MAVS: variants seen among roughly 807,000 people sequenced by gnomAD.
MAVS encodes the protein mitochondrial antiviral signaling protein.
In MAVS, 20 loss-of-function variants were observed where a neutral mutation model predicts 30.2. That is an observed-to-expected ratio of 0.66 (90% confidence interval 0.47 to 0.96). The LOEUF (loss-of-function observed/expected upper bound fraction) is 0.96. Among genes scored for constraint, MAVS ranks in the 40% least tolerant of loss-of-function variants. The probability of loss-of-function intolerance (pLI) is 0.00; values close to 1 mark genes in which losing one functional copy is unlikely to be tolerated. For synonymous variants in MAVS, 278 were observed against 293.9 expected (o/e 0.95, Z 0.55); for missense variants, 624 against 701.1 (o/e 0.89, Z 1.24).
At position 3,864,322 on chromosome 20, in the gene MAVS, C is replaced by A; in HGVS notation, c.692C>A (p.Ala231Asp). 6.2e-7 allele frequency: 1 copy of A among 1,613,990 alleles called. No homozygotes were observed. The highest frequency in any genetic ancestry group is 8.5e-7 in the Non-Finnish European group (1 of 1,179,988). ...VSPSVSFQPL[A>D]RSTPRASRLP... ...CCATCTGTCTCCTTCCAGCCCCTGG[C>A]CCGTTCCACCCCCAGGGCAAGCCGC... Residue 231 changes from alanine (A) to aspartate (D), a missense_variant, in exon 6 of 7, where the codon GCC becomes GAC. Coordinates refer to ENST00000428216, the MANE Select transcript of MAVS (RefSeq NM_020746.5).
Position 3,865,640 on chromosome 20 carries a change from C to T in MAVS, c.1159-43C>T. 3 of 1,528,016 alleles carry T rather than the reference C, an allele frequency of 2.0e-6. No individual in the cohort carries two copies. The highest frequency in any genetic ancestry group is 2.7e-5 in the African/African-American group (2 of 72,916). 94.7% of individuals were successfully genotyped at this position (1,528,016 alleles called of 1,614,324 possible). A position where few individuals can be genotyped will look rare whatever the true frequency, so the allele number is the denominator to read the frequency against. On this transcript the variant is annotated intron_variant, in intron 6 of 6. Transcript: ENST00000428216. This position sits in a 1 kb window ranked among gnomAD's most constrained non-coding sequence, Gnocchi z 4.7. ...GGACCGCCCTACCAGGTTCGTCTCC[C>T]TGCCAACCCCAGTCCCTTCCAGTGC...
chr20:3,858,069 A>G, intron 3 of MAVS: 1 of 524,318 alleles, frequency 1.9e-6, no homozygotes, highest in South Asian at 2.0e-5. Context: ...GGGGAGCTGC[A>G]GTGGGTGATA....
At position 3,871,543 on chromosome 20, in the gene MAVS, A is replaced by ACAGAGCCCTTC. The variant is rs1888145984; in HGVS notation, c.*5400_*5410dup. 6.6e-6 allele frequency: 1 copy of ACAGAGCCCTTC among 152,480 alleles called. No individual in the cohort carries two copies. Among genetic ancestry groups the ACAGAGCCCTTC allele is most frequent in the Admixed American group, 6.5e-5 (1 of 15,278 alleles). 9.4% of individuals were successfully genotyped at this position (152,480 alleles called of 1,614,324 possible). On this transcript the variant is annotated 3_prime_UTR_variant, in exon 7 of 7. Transcript: ENST00000428216. ...AGGCAGGGGCTTCCACTAGGCCCTG[A>ACAGAGCCCTTC]CAGAGCCCTTCCAGCAGGCAGAAAT...
chr20:3,847,065 G>T (rs751829238), intron 1 of MAVS, among the ~76,000 whole-genome samples, 162 bp downstream of exon 1: 1 of 152,226 alleles, frequency 6.6e-6, no homozygotes, highest in African/African-American at 2.4e-5. Context: ...CCGGAAGAGC[G>T]GGCCCTGTCG....
At chr20:3,856,081 G>T (rs1326477994) in intron 2 of MAVS, among the ~76,000 whole-genome samples, 1 of 149,756 alleles carries the variant, frequency 6.7e-6, no homozygotes, top group African/African-American at 2.5e-5. Flanking sequence ...TTGAGACGGA[G>T]TCTCACTCTG....
intron 1 of MAVS, 111 bp from the exon 2 acceptor site, chr20:3,854,447 T>G: frequency 3.4e-6 from 1 of 297,718 alleles, no homozygotes; most frequent in Non-Finnish European, 5.6e-6. Flanking sequence ...AAGAAGAAAT[T>G]AAAGATGAAA....
rs557120262 is a variant in MAVS, at chr20:3,865,011, C to T, written c.1158+223C>T. ...GTCATTGAGCTTCTAAGTCTGGACA[C>T]CTCAGGAGGGTCAGCCACAGGGGGC... is the stretch of plus-strand genomic sequence containing the variant. On this transcript the variant is annotated intron_variant, in intron 6 of 6. Coordinates refer to ENST00000428216, the MANE Select transcript of MAVS (RefSeq NM_020746.5). The surrounding 1 kb of genome is among the most constrained non-coding windows in gnomAD (Gnocchi z 4.7). Among the ~76,000 whole-genome samples, 3 of 152,234 alleles carry T rather than the reference C, an allele frequency of 2.0e-5. No homozygotes were observed. The highest frequency in any genetic ancestry group is 4.4e-5 in the Non-Finnish European group (3 of 68,044).
chr20:3,859,298 G>C (rs2146768136), intron 3 of MAVS, among the ~76,000 whole-genome samples: 1 of 152,128 alleles, frequency 6.6e-6, no homozygotes, highest in East Asian at 1.9e-4. Flanking sequence ...ACAAGGTCAG[G>C]AGTTCGAGAC....
Position 3,875,851 on chromosome 20 carries a change from CTGATTTCCTCGCAATCA to C in MAVS, c.*9705_*9721del, listed in dbSNP as rs2089987414. 1 of 152,484 alleles carries C rather than the reference CTGATTTCCTCGCAATCA, an allele frequency of 6.6e-6. No homozygotes were observed. The highest frequency in any genetic ancestry group is 6.5e-5 in the Admixed American group (1 of 15,268). 9.4% of individuals were successfully genotyped at this position (152,484 alleles called of 1,614,324 possible). The stretch of plus-strand genomic sequence containing the variant: ...TGCCATTCCCACACCATCTGAATCA[CTGATTTCCTCGCAATCA>C]GACGCTATCTTCCAGTTAATCACTT... On this transcript the variant is annotated 3_prime_UTR_variant, in exon 7 of 7. Transcript: ENST00000428216.
chr20:3,862,318 C>T lies in MAVS; in HGVS notation c.530C>T (p.Pro177Leu), dbSNP rs1403059617. ...ATCCCAAGGAATCCAGATGGTGGCC[C>T]CCTGGAGTCCTCCTCTGACCTGGCA... ...RAIPRNPDGGPLESSSDLAAL... is the reference protein window; with the variant it reads ...RAIPRNPDGGLLESSSDLAAL... Residue 177 changes from proline (P) to leucine (L), a missense_variant, in exon 5 of 7, where the codon CCC (proline) becomes CTC (leucine). By Grantham distance (98) the Pro-to-Leu change is moderately conservative. Coordinates refer to ENST00000428216, the MANE Select transcript of MAVS (RefSeq NM_020746.5). 6.2e-7 allele frequency: 1 copy of T among 1,613,990 alleles called. No homozygotes were observed. Among genetic ancestry groups the T allele is most frequent in the African/African-American group, 1.3e-5 (1 of 74,948 alleles).
At position 3,867,657 on chromosome 20, in the gene MAVS, C is replaced by T. The variant is rs1348999194; in HGVS notation, c.*1510C>T. The T allele has an allele frequency of 2.6e-5, 4 of 153,626 alleles. No individual in the cohort carries two copies. Among genetic ancestry groups the T allele is most frequent in the Non-Finnish European group, 5.8e-5 (4 of 68,994 alleles). 9.5% of individuals were successfully genotyped at this position (153,626 alleles called of 1,614,324 possible). On this transcript the variant is annotated 3_prime_UTR_variant, in exon 7 of 7. Transcript: ENST00000428216. ...CTACTCCTTTAGAGGCAGACTCAGA[C>T]CCTCCTGCCTCACAGCTTTATCTTT...
At chr20:3,860,731 C>T (rs1325800644) in intron 3 of MAVS, among the ~76,000 whole-genome samples, 2 of 151,734 alleles carry the variant, frequency 1.3e-5, no homozygotes, top group East Asian at 1.9e-4. Flanking sequence ...GGCTGGAGTG[C>T]AGTGGCGCGA....
At chr20:3,861,237 C>T (rs1313275431) in intron 3 of MAVS, 95 bp from the exon 4 acceptor site, 3 of 1,222,204 alleles carry the variant, frequency 2.5e-6, no homozygotes, top group Non-Finnish European at 3.5e-6. Flanking sequence ...TCGTGATCTG[C>T]CTGCCTTGGC....
In MAVS at chr20:3,854,604, C is replaced by T; in HGVS notation, c.-21C>T. On this transcript the variant is annotated 5_prime_UTR_variant, in exon 2 of 7. Transcript: ENST00000428216. ...CCACCCTTCATGGGGCCAGAGCCCTCTCTCCAGAATCTGAGCAGCAATGCC... is the reference window on the plus strand; with the variant it reads ...CCACCCTTCATGGGGCCAGAGCCCTTTCTCCAGAATCTGAGCAGCAATGCC... The T allele has an allele frequency of 1.3e-6, 2 of 1,574,656 alleles. No individual in the cohort carries two copies. The highest frequency in any genetic ancestry group is 1.7e-6 in the Non-Finnish European group (2 of 1,145,968).
Position 3,870,328 on chromosome 20 carries a change from TC to T in MAVS, c.*4182del, listed in dbSNP as rs1282986822. 1.3e-5 allele frequency: 2 copies of T among 152,438 alleles called. No homozygotes were observed. Among genetic ancestry groups the T allele is most frequent in the East Asian group, 3.8e-4 (2 of 5,312 alleles). The allele number at this position is 152,438 out of a possible 1,614,324, so 9.4% of individuals were successfully genotyped here. ...GCAATGGTATCTGCATATTAGCCCC[TC>T]TCCACCTTCTTTCTCCCGCTGAATC... On this transcript the variant is annotated 3_prime_UTR_variant, in exon 7 of 7. Transcript: ENST00000428216.
At chr20:3,855,012 T>A (rs1228627443) in intron 2 of MAVS, among the ~76,000 whole-genome samples, 1 of 150,970 alleles carries the variant, frequency 6.6e-6, no homozygotes, top group Non-Finnish European at 1.5e-5. Flanking sequence ...TGCCTCAGCC[T>A]CCTGAGTAGC....
chr20:3,857,030 C>T (rs537658669), intron 2 of MAVS, among the ~76,000 whole-genome samples: 20 of 141,252 alleles, frequency 1.4e-4, no homozygotes, highest in African/African-American at 4.5e-4. Context: ...AGTGGGACTC[C>T]GTCTGAAAAA....
chr20:3,860,081 T>C (rs549236939), intron 3 of MAVS, among the ~76,000 whole-genome samples: 1 of 152,134 alleles, frequency 6.6e-6, no homozygotes, highest in Non-Finnish European at 1.5e-5. Context: ...CCTCCCAAAG[T>C]GCTGGGATTA....
intron 1 of MAVS, among the ~76,000 whole-genome samples, chr20:3,852,375 C>T (rs1260928294): frequency 6.6e-6 from 1 of 152,188 alleles, no homozygotes; most frequent in Non-Finnish European, 1.5e-5. Flanking sequence ...CTTTCTTCTT[C>T]TACTAACTAG....
Sources: allele counts gnomAD v4.1 joint callset (sites outside exome capture counted in the v4.1 genomes callset), GRCh38; gene constraint gnomAD v4.1.1; non-coding constraint Gnocchi (gnomAD v3.1); transcripts MANE v1.5; gene names NCBI Gene and HGNC (gene_info 2026-07-23, HGNC 2026-07-21).